Variants in PRKCH observed in about 807,000 individuals in gnomAD.
PRKCH encodes protein kinase C eta type.
In PRKCH, 28 loss-of-function variants were observed where a neutral mutation model predicts 82.5. The observed-to-expected ratio is 0.34, with a 90% CI of 0.25 to 0.47. The LOEUF (loss-of-function observed/expected upper bound fraction) is 0.47, where lower values mean the gene tolerates loss of function less well. Among genes scored for constraint, PRKCH ranks in the 20% least tolerant of loss-of-function variants. The pLI is 1.00. For synonymous variants in PRKCH, 322 were observed against 327.4 expected (o/e 0.98, Z 0.18); for missense variants, 705 against 881.8 (o/e 0.80, Z 2.54).
chr14:61,382,614 T>C (rs1456056525), intron 1 of PRKCH, among the ~76,000 whole-genome samples: 1 of 152,188 alleles, frequency 6.6e-6, no homozygotes, highest in Non-Finnish European at 1.5e-5. Context: ...TTTTTGTTAT[T>C]TATCGCTAGA....
chr14:61,244,616 G>A (rs2044865302), intron 1 of PRKCH, among the ~76,000 whole-genome samples: 1 of 152,176 alleles, frequency 6.6e-6, no homozygotes, highest in Non-Finnish European at 1.5e-5. Context: ...AATGGCAGAG[G>A]TAACTGCCAA....
chr14:61,299,472 T>G (rs1255867459), intron 1 of PRKCH, among the ~76,000 whole-genome samples: 1 of 67,714 alleles, frequency 1.5e-5, no homozygotes, highest in East Asian at 4.5e-4. Flanking sequence ...GGATCACAAC[T>G]TTCAGGTTTT....
chr14:61,260,601 A>G (rs1369630173), intron 1 of PRKCH, among the ~76,000 whole-genome samples: 2 of 152,240 alleles, frequency 1.3e-5, no homozygotes, highest in African/African-American at 4.8e-5. Flanking sequence ...TAATTTCAGT[A>G]AATCACAGTT....
chr14:61,456,896 G>T, intron 7 of PRKCH: 1 of 329,782 alleles, frequency 3.0e-6, no homozygotes, highest in Non-Finnish European at 5.7e-6. Context: ...ACCACACAAG[G>T]CATTGGTGTT....
At chr14:61,514,738 T>G (rs940162422) in intron 10 of PRKCH, among the ~76,000 whole-genome samples, 4 of 152,128 alleles carry the variant, frequency 2.6e-5, no homozygotes, top group African/African-American at 7.2e-5. Flanking sequence ...AAGCACTGTG[T>G]TAGGCACTGA....
intron 1 of PRKCH, among the ~76,000 whole-genome samples, chr14:61,188,831 T>C (rs1394425747): frequency 6.6e-6 from 1 of 151,752 alleles, no homozygotes; most frequent in East Asian, 1.9e-4. Context: ...GCGATTCTCC[T>C]GCCTCAGCCT....
intron 1 of PRKCH, among the ~76,000 whole-genome samples, chr14:61,381,271 G>T (rs1424991530): frequency 6.6e-6 from 1 of 152,160 alleles, no homozygotes; most frequent in African/African-American, 2.4e-5. Context: ...TCCGGATTGA[G>T]CAGGGTAAAG....
chr14:61,309,282 CA>C (rs967572730), intron 1 of PRKCH, among the ~76,000 whole-genome samples: 214 of 148,076 alleles, frequency 1.4e-3, no homozygotes, highest in African/African-American at 3.8e-3. Flanking sequence ...GACCCTGTCT[CA>C]AAAAAAAAAT....
At chr14:61,353,998 T>C (rs2046115251) in intron 1 of PRKCH, 2 of 152,048 alleles carry the variant, frequency 1.3e-5, no homozygotes, top group Non-Finnish European at 2.9e-5. Flanking sequence ...CAAAATATAA[T>C]GTATGGGAGA....
chr14:61,445,696 G>C lies in PRKCH; in HGVS notation c.583G>C (p.Val195Leu). 1 of 1,609,762 alleles carries C rather than the reference G, an allele frequency of 6.2e-7. No homozygotes were observed. The highest frequency in any genetic ancestry group is 8.5e-7 in the Non-Finnish European group (1 of 1,176,040). The change falls in exon 4 of 14, where the codon GTG (valine) becomes CTG (leucine). Residue 195 changes from valine (V) to leucine (L), a missense_variant. Around this residue, in one of 5 missense-constraint regions of PRKCH, gnomAD observed 246 missense variants for 308.0 expected, o/e 0.80. Transcript: ENST00000332981. Reference sequence around the variant, plus strand: ...TAGTTTTCTTCTCTTCAACAGGGGAGTGTTTGGGAAACAGGGTTATCAGTG... The same window carrying C: ...TAGTTTTCTTCTCTTCAACAGGGGACTGTTTGGGAAACAGGGTTATCAGTG... ...CSHCREFIWGVFGKQGYQCQV... is the reference protein window; with the variant it reads ...CSHCREFIWGLFGKQGYQCQV...
At chr14:61,234,616 A>G (rs1866351100) in intron 1 of PRKCH, among the ~76,000 whole-genome samples, 1 of 152,204 alleles carries the variant, frequency 6.6e-6, no homozygotes, top group Non-Finnish European at 1.5e-5. Context: ...TTAAACTATT[A>G]CTCTGAGAAG....
chr14:61,382,898 G>A (rs375221735), intron 1 of PRKCH, among the ~76,000 whole-genome samples: 1 of 152,208 alleles, frequency 6.6e-6, no homozygotes, highest in East Asian at 1.9e-4. Flanking sequence ...TTAATTAAAT[G>A]AGTGTTTCTC....
chr14:61,351,395 G>T (rs2046072191), intron 1 of PRKCH, among the ~76,000 whole-genome samples: 1 of 152,190 alleles, frequency 6.6e-6, no homozygotes, highest in Admixed American at 6.5e-5. Flanking sequence ...GCAGGTGGTG[G>T]TGTTAGGTGG....
chr14:61,409,207 C>T (rs1356434520), intron 2 of PRKCH, among the ~76,000 whole-genome samples: 1 of 152,182 alleles, frequency 6.6e-6, no homozygotes, highest in Non-Finnish European at 1.5e-5. Flanking sequence ...CATGGGCATG[C>T]ACACTGCCAT....
At chr14:61,502,308 A>G (rs1330185196) in intron 10 of PRKCH, among the ~76,000 whole-genome samples, 1 of 151,854 alleles carries the variant, frequency 6.6e-6, no homozygotes, top group Non-Finnish European at 1.5e-5. Flanking sequence ...TGATCCGCAC[A>G]CCCCAGCCTT....
Position 61,399,658 on chromosome 14 carries a change from G to A in PRKCH, c.427+8370G>A, listed in dbSNP as rs77802279. On this transcript the variant is annotated intron_variant, in intron 2 of 13. Coordinates refer to ENST00000332981, the MANE Select transcript of PRKCH (RefSeq NM_006255.5). ...TAATTACATAACATTTTGCAGTTGC[G>A]AAGTTTAATTTTAAGGTAGTTTCCT... Among the ~76,000 whole-genome samples the A allele has an allele frequency of 6.4e-4, 97 of 152,258 alleles. 1 individual carries two copies. The East Asian group carries it at 0.018, about 28-fold the overall frequency.
intron 1 of PRKCH, chr14:61,278,713 AAAAT>A (rs1482189757): frequency 6.6e-6 from 1 of 152,194 alleles, no homozygotes; most frequent in Non-Finnish European, 1.5e-5. Flanking sequence ...AAGGTTTTTA[AAAAT>A]AAACTATTGC....
At chr14:61,310,837 T>C (rs908284535) in intron 1 of PRKCH, among the ~76,000 whole-genome samples, 2 of 152,266 alleles carry the variant, frequency 1.3e-5, no homozygotes, top group African/African-American at 2.4e-5. Flanking sequence ...ATACATCTTC[T>C]GAAATCTAGG....
At chr14:61,467,745 G>A (rs994062165) in intron 9 of PRKCH, among the ~76,000 whole-genome samples, 2 of 152,218 alleles carry the variant, frequency 1.3e-5, no homozygotes, top group African/African-American at 4.8e-5. Flanking sequence ...AGCGAAGAAG[G>A]AAAGGGCAGT....
Sources: gnomAD v4.1 joint callset for allele counts (sites outside exome capture counted in the v4.1 genomes callset) on GRCh38, gnomAD v4.1.1 for gene constraint, gnomAD v4.1.1 regional missense constraint, MANE v1.5 for transcripts, NCBI Gene and HGNC (gene_info 2026-07-23, HGNC 2026-07-21) for gene names.